IFT122: variants seen among roughly 807,000 people sequenced by gnomAD.
The protein encoded by IFT122 is intraflagellar transport 122, also known as intraflagellar transport protein 122 homolog.
In IFT122, 118 loss-of-function variants were observed where a neutral mutation model predicts 161.6. The observed-to-expected ratio is 0.73, with a 90% CI of 0.63 to 0.85. The LOEUF is 0.85. Among genes scored for constraint, IFT122 ranks in the 40% least tolerant of loss-of-function variants. IFT122 has a pLI of 0.00. For missense variants in IFT122, 1,381 were observed against 1,579.6 expected (o/e 0.87, Z 2.13); for synonymous variants, 550 against 602.4 (o/e 0.91, Z 1.27).
intron 21 of IFT122, among the ~76,000 whole-genome samples, chr3:129,505,124 A>G (rs2082060704): frequency 6.6e-6 from 1 of 152,204 alleles, no homozygotes; most frequent in South Asian, 2.1e-4. Context: ...TGAGCACTTA[A>G]CCTATGTAAC....
At chr3:129,460,589 C>T (rs1258554967) in intron 4 of IFT122, among the ~76,000 whole-genome samples, 1 of 152,080 alleles carries the variant, frequency 6.6e-6, no homozygotes, top group Non-Finnish European at 1.5e-5. Context: ...AATATTATTC[C>T]ATTGTATATA....
chr3:129,519,311 C>G, intron 28 of IFT122, 125 bp downstream of exon 28: 1 of 1,037,200 alleles, frequency 9.6e-7, no homozygotes. Context: ...TGTGGTGGCA[C>G]GAAGGAGGGG....
chr3:129,464,668 G>T lies in IFT122; in HGVS notation c.450G>T (p.Gly150=). 6.3e-7 allele frequency: 1 copy of T among 1,586,634 alleles called. No individual in the cohort carries two copies. Among genetic ancestry groups the T allele is most frequent in the South Asian group, 1.1e-5 (1 of 90,780 alleles). ...ATGATGGTCAGTACCTGGCGCTGGG[G>T]ATGTTCAATGGGATCATCAGCATAC... ...WTNDGQYLAL[G]MFNGIISIRN... The change falls in exon 7 of 30, where the codon GGG becomes GGT. Residue 150 remains glycine (G), a synonymous_variant. Transcript: ENST00000348417.
chr3:129,462,093 T>A (rs1199819181), intron 5 of IFT122, among the ~76,000 whole-genome samples: 3 of 152,162 alleles, frequency 2.0e-5, no homozygotes, highest in Non-Finnish European at 4.4e-5. Context: ...ACTGATACGG[T>A]TCTGGTTCTG....
At chr3:129,483,427 G>A in intron 14 of IFT122, 58 bp from the exon 15 acceptor site, 3 of 1,455,254 alleles carry the variant, frequency 2.1e-6, no homozygotes, top group Middle Eastern at 3.5e-4. Context: ...TGAAATGTGT[G>A]AGCGCTGACC....
intron 3 of IFT122, among the ~76,000 whole-genome samples, chr3:129,455,069 G>A (rs558125845): frequency 3.9e-5 from 6 of 152,106 alleles, no homozygotes; most frequent in Non-Finnish European, 8.8e-5. Flanking sequence ...TTAGTCCTCA[G>A]AATTGGTTTT....
intron 6 of IFT122, 32 bp downstream of exon 6, chr3:129,463,658 TC>T (rs2076412342): frequency 3.3e-6 from 5 of 1,509,458 alleles, no homozygotes; most frequent in Non-Finnish European, 3.7e-6. Flanking sequence ...AGATTTATGT[TC>T]CTTCATCTTC....
At position 129,499,975 on chromosome 3, in the gene IFT122, T is replaced by C. The variant is rs2081338992; in HGVS notation, c.2282T>C (p.Ile761Thr). 5.0e-6 allele frequency: 8 copies of C among 1,613,982 alleles called. No homozygotes were observed. The highest frequency in any genetic ancestry group is 1.3e-5 in the African/African-American group (1 of 74,896). Residue 761 changes from isoleucine (I) to threonine (T), a missense_variant, in exon 19 of 30, where the codon ATC becomes ACC. Around this residue, in one of 7 missense-constraint regions of IFT122, gnomAD observed 496 missense variants for 502.5 expected, o/e 0.99. Coordinates refer to ENST00000348417, the MANE Select transcript of IFT122 (RefSeq NM_052989.3). ...ITKQADWARNIKEPKAAVEMY... is the reference protein window; with the variant it reads ...ITKQADWARNTKEPKAAVEMY... ...AAACAGGCTGACTGGGCCAGAAATA[T>C]CAAGGAGCCCAAAGCCGCCGTGGAG...
At chr3:129,466,472 T>G (rs919364569) in intron 7 of IFT122, among the ~76,000 whole-genome samples, 2 of 150,260 alleles carry the variant, frequency 1.3e-5, no homozygotes, top group African/African-American at 4.9e-5. Context: ...GTTCAGAGGC[T>G]CCTTTTATTT....
Position 129,485,201 on chromosome 3 carries a change from C to G in IFT122, c.1851+1519C>G, listed in dbSNP as rs1443246632. ...CCAACTTGGCGCCTTGGCATAAATT[C>G]CTAGAAATGAAATTGCTGGGTCAAA... is the stretch of plus-strand genomic sequence containing the variant. On this transcript the variant is annotated intron_variant, in intron 15 of 29. Transcript: ENST00000348417. Among the ~76,000 whole-genome samples the G allele has an allele frequency of 2.0e-5, 3 of 152,294 alleles. No individual in the cohort carries two copies. In the East Asian group the frequency reaches 5.8e-4, roughly 29 times the overall value.
In IFT122 at chr3:129,500,017, G is replaced by A. The variant is rs2081342494; in HGVS notation, c.2324G>A (p.Gly775Glu). 1 of 1,614,226 alleles carries A rather than the reference G, an allele frequency of 6.2e-7. No individual in the cohort carries two copies. The highest frequency in any genetic ancestry group is 1.1e-5 in the South Asian group (1 of 91,082). The stretch of plus-strand genomic sequence containing the variant: ...GCCGTGGAGATGTACATCTCAGCAG[G>A]AGAGCACGTCAAGGCCATCGAGATC... ...KAAVEMYISA[G>E]EHVKAIEICG... is the part of the protein sequence containing the mutation. The change falls in exon 19 of 30, where the codon GGA becomes GAA. Residue 775 changes from glycine to glutamate, a missense_variant. Coordinates refer to ENST00000348417, the MANE Select transcript of IFT122 (RefSeq NM_052989.3).
intron 24 of IFT122, chr3:129,514,167 T>C (rs1578149707): frequency 1.5e-6 from 1 of 677,474 alleles, no homozygotes; most frequent in Non-Finnish European, 2.7e-6. Context: ...AAAGTATTAA[T>C]GGAAACTACG....
At chr3:129,458,851 T>C (rs1175279153) in intron 4 of IFT122, among the ~76,000 whole-genome samples, 174 bp downstream of exon 4, 1 of 152,214 alleles carries the variant, frequency 6.6e-6, no homozygotes, top group Admixed American at 6.5e-5. Flanking sequence ...AGTTAATGAA[T>C]ATTTCTTGGC....
At chr3:129,472,027 C>A (rs2077415302) in intron 9 of IFT122, among the ~76,000 whole-genome samples, 2 of 149,192 alleles carry the variant, frequency 1.3e-5, no homozygotes, top group Admixed American at 1.3e-4. Context: ...CCCAAAGGCA[C>A]ACATTTAGTC....
intron 9 of IFT122, among the ~76,000 whole-genome samples, chr3:129,471,627 A>T (rs1479488406): frequency 6.6e-6 from 1 of 152,206 alleles, no homozygotes; most frequent in Admixed American, 6.5e-5. Flanking sequence ...TTGTGGCCCA[A>T]AGTTTCTGCA....
In IFT122 at chr3:129,510,863, G is replaced by A. The variant is rs994199035; in HGVS notation, c.2887-1449G>A. Among the ~76,000 whole-genome samples, 5 of 152,196 alleles carry A rather than the reference G, an allele frequency of 3.3e-5. No individual in the cohort carries two copies. The East Asian group carries it at 9.6e-4, about 29-fold the overall frequency. On this transcript the variant is annotated intron_variant, in intron 23 of 29. Coordinates refer to ENST00000348417, the MANE Select transcript of IFT122 (RefSeq NM_052989.3). ...CTGGTGACACGGTGGTGAACAAAAC[G>A]TTGTCCCTGCAGTCAGTCCCAGTCT...
rs772251048 is a variant in IFT122 at position 129,514,568 on chromosome 3, AC to A, written c.3153+17del. 6.2e-7 allele frequency: 1 copy of A among 1,614,014 alleles called. No homozygotes were observed. The highest frequency in any genetic ancestry group is 8.5e-7 in the Non-Finnish European group (1 of 1,179,998). ...CACGACAGTGAGGTGAGGATGCAGCACCCTTGGGCAGGTGGCTTCTCCTCTC... is the reference window on the plus strand; with the variant it reads ...CACGACAGTGAGGTGAGGATGCAGCACCTTGGGCAGGTGGCTTCTCCTCTC... On this transcript the variant is annotated intron_variant, in intron 25 of 29. Coordinates refer to ENST00000348417, the MANE Select transcript of IFT122 (RefSeq NM_052989.3).
chr3:129,513,967 G>A (rs952369539), intron 24 of IFT122: 5 of 354,168 alleles, frequency 1.4e-5, no homozygotes, highest in South Asian at 4.3e-5. Context: ...GGGCCTCAGA[G>A]CAGGGTTGAG....
chr3:129,466,736 C>T (rs1166571195), intron 7 of IFT122, among the ~76,000 whole-genome samples, 154 bp from the exon 8 acceptor site: 10 of 152,072 alleles, frequency 6.6e-5, no homozygotes, highest in South Asian at 2.1e-4. Flanking sequence ...CTCCTGATCT[C>T]GAGCGATTCA....
Sources: allele counts gnomAD v4.1 joint callset (sites outside exome capture counted in the v4.1 genomes callset), GRCh38; gene constraint gnomAD v4.1.1; regional missense constraint gnomAD v4.1.1; transcripts MANE v1.5; gene names NCBI Gene and HGNC (gene_info 2026-07-23, HGNC 2026-07-21).